Variants in XPO5 observed in about 807,000 individuals in gnomAD.
XPO5 encodes the protein exportin-5.
In XPO5, 46 loss-of-function variants were observed where a neutral mutation model predicts 160.6. The observed-to-expected ratio is 0.29, with a 90% confidence interval of 0.23 to 0.37. XPO5 has a LOEUF of 0.37. Ranked by LOEUF, XPO5 falls within the 10% of genes least tolerant of loss-of-function variation. The pLI, the probability that XPO5 is intolerant of heterozygous loss-of-function variation, is 1.00. For synonymous variants in XPO5, 537 were observed against 519.3 expected (o/e 1.03, Z -0.46); for missense variants, 1,090 against 1,463.9 (o/e 0.74, Z 4.17).
In XPO5 at chr6:43,546,698, T is replaced by G. The variant is rs779573241; in HGVS notation, c.2215A>C (p.Thr739Pro). 65 of 1,612,618 alleles carry G rather than the reference T, an allele frequency of 4.0e-5. No individual in the cohort carries two copies. The highest frequency in any genetic ancestry group is 5.4e-5 in the Non-Finnish European group (64 of 1,179,468). The change falls in exon 20 of 32, where the codon ACT becomes CCT. Residue 739 changes from threonine (T) to proline (P), a missense_variant. Around this residue, in one of 3 missense-constraint regions of XPO5, gnomAD observed 810 missense variants for 1,139.0 expected, o/e 0.71. Coordinates refer to ENST00000265351, the MANE Select transcript of XPO5 (RefSeq NM_020750.3). ...CCAGCTTTGGCCTCTTCTAGGTCAG[T>G]GGGCCAGCAAGTTCGTTTCACCACA... ...LGVVKRTCWP[T>P]DLEEAKAGGF...
At position 43,546,687 on chromosome 6, in the gene XPO5, T is replaced by C. The variant is rs535006632; in HGVS notation, c.2226A>G (p.Glu742=). Residue 742 remains glutamate, a synonymous_variant, in exon 20 of 32, where the codon GAA becomes GAG. Transcript: ENST00000265351. Reference sequence around the variant, plus strand: ...CCACAAATCCCCCAGCTTTGGCCTCTTCTAGGTCAGTGGGCCAGCAAGTTC... The same window carrying C: ...CCACAAATCCCCCAGCTTTGGCCTCCTCTAGGTCAGTGGGCCAGCAAGTTC... ...VKRTCWPTDL[E]EAKAGGFVVG... is the part of the protein sequence containing the mutation. The C allele has an allele frequency of 6.2e-7, 1 of 1,613,504 alleles. No homozygotes were observed. Among genetic ancestry groups the C allele is most frequent in the Non-Finnish European group, 8.5e-7 (1 of 1,179,682 alleles).
intron 20 of XPO5, among the ~76,000 whole-genome samples, chr6:43,544,466 T>C (rs943883398): frequency 1.3e-5 from 2 of 152,250 alleles, no homozygotes; most frequent in Admixed American, 1.3e-4. Context: ...ACTGTTGTCT[T>C]GTGGCCTCTA....
rs556276524 is a variant in XPO5 at position 43,524,540 on chromosome 6, G to A, written c.3408C>T (p.Pro1136=). The A allele has an allele frequency of 3.7e-6, 6 of 1,613,850 alleles. No homozygotes were observed. Among genetic ancestry groups the A allele is most frequent in the Non-Finnish European group, 4.2e-6 (5 of 1,179,910 alleles). Residue 1136 remains proline (P), a synonymous_variant, in exon 31 of 32, where the codon CCC becomes CCT. Transcript: ENST00000265351. ...GCTTGTCAGCCACTTTCTGCAGGGA[G>A]GGGTTTAAAAGCTTGCAGTCAAACT... ...LDQFDCKLLN[P]SLQKVADKRR...
intron 21 of XPO5, 33 bp downstream of exon 21, chr6:43,533,874 A>G: frequency 6.6e-7 from 1 of 1,511,262 alleles, no homozygotes; most frequent in Non-Finnish European, 9.1e-7. Flanking sequence ...GGGATAAGAT[A>G]AACCTTAGGA....
At chr6:43,558,023 A>C (rs1470014347) in intron 12 of XPO5, among the ~76,000 whole-genome samples, 1 of 151,834 alleles carries the variant, frequency 6.6e-6, no homozygotes, top group Non-Finnish European at 1.5e-5. Context: ...TGAACCCAGA[A>C]GGCAGAGGTT....
At chr6:43,556,556 A>G (rs1448318150) in intron 12 of XPO5, among the ~76,000 whole-genome samples, 1 of 152,000 alleles carries the variant, frequency 6.6e-6, no homozygotes, top group African/African-American at 2.4e-5. Context: ...TTAAAAAGTA[A>G]ATCAGGTTGG....
intron 29 of XPO5, 69 bp from the exon 30 acceptor site, chr6:43,525,037 G>A: frequency 6.3e-7 from 1 of 1,585,548 alleles, no homozygotes; most frequent in East Asian, 2.3e-5. Context: ...CAGTTCTTCT[G>A]AATGATTTAG....
chr6:43,526,221 A>T, intron 27 of XPO5: 1 of 430,266 alleles, frequency 2.3e-6, no homozygotes, highest in African/African-American at 2.0e-5. Flanking sequence ...TGATTTAGTT[A>T]CTGGGGATAA....
At chr6:43,569,608 C>T (rs769959591) in intron 5 of XPO5, among the ~76,000 whole-genome samples, 1 of 151,724 alleles carries the variant, frequency 6.6e-6, no homozygotes. Context: ...TGGCAGGCAC[C>T]GGTAATCTCA....
intron 9 of XPO5, 48 bp from the exon 10 acceptor site, chr6:43,561,055 G>T: frequency 6.8e-7 from 1 of 1,467,418 alleles, no homozygotes; most frequent in African/African-American, 1.4e-5. Flanking sequence ...AGAAAAGCAG[G>T]AGAGGAAAAA....
rs1763052451 is a variant in XPO5, at chr6:43,572,345, A to AG, written c.300+160dup. Among the ~76,000 whole-genome samples, 6 of 152,364 alleles carry AG rather than the reference A, an allele frequency of 3.9e-5. No homozygotes were observed. In the South Asian group the frequency reaches 1.2e-3, roughly 32 times the overall value. ...TCTTACCTTGGCTTCCCAAAGCGCT[A>AG]GAATTACAGGTGTGAGTCACTGTGC... On this transcript the variant is annotated intron_variant, in intron 3 of 31. Transcript: ENST00000265351.
At chr6:43,561,273 C>G (rs1762400758) in intron 9 of XPO5, 1 of 381,456 alleles carries the variant, frequency 2.6e-6, no homozygotes, top group Non-Finnish European at 4.7e-6. Context: ...AAAAAACACT[C>G]ATTTCAGAAA....
intron 12 of XPO5, 127 bp from the exon 13 acceptor site, chr6:43,556,091 T>C (rs1030723413): frequency 1.6e-6 from 2 of 1,256,614 alleles, no homozygotes; most frequent in Non-Finnish European, 2.2e-6. Flanking sequence ...GACTTGTGCT[T>C]TGCATGTAAT....
intron 22 of XPO5, 116 bp downstream of exon 22, chr6:43,531,363 C>T (rs1317866506): frequency 1.1e-6 from 1 of 897,582 alleles, no homozygotes; most frequent in African/African-American, 1.7e-5. Flanking sequence ...GATAAGTTTC[C>T]TATCAAACTC....
rs755730679 is a variant in XPO5, at chr6:43,522,762, A to G, written c.*1106T>C. The G allele has an allele frequency of 1.3e-5, 6 of 479,786 alleles. No individual in the cohort carries two copies. The highest frequency in any genetic ancestry group is 1.8e-5 in the Non-Finnish European group (4 of 225,532). The allele number at this position is 479,786 out of a possible 1,614,324, so 29.7% of individuals were successfully genotyped here. ...ACAGGTCTGTTTTTGTGCAGAGCAC[A>G]TGGACACACTGGTTTCTGTATGGAT... On this transcript the variant is annotated 3_prime_UTR_variant, in exon 32 of 32. Coordinates refer to ENST00000265351, the MANE Select transcript of XPO5 (RefSeq NM_020750.3).
At chr6:43,539,132 A>T (rs1033434466) in intron 20 of XPO5, 2 of 1,191,674 alleles carry the variant, frequency 1.7e-6, no homozygotes, top group Admixed American at 3.8e-5. Flanking sequence ...GCGCACCAGC[A>T]CAGAGCCACG....
At chr6:43,552,299 C>G (rs1490796873) in intron 14 of XPO5, among the ~76,000 whole-genome samples, 2 of 152,092 alleles carry the variant, frequency 1.3e-5, no homozygotes, top group Non-Finnish European at 2.9e-5. Flanking sequence ...CTCAGGTGAT[C>G]CACCCACCTT....
intron 15 of XPO5, chr6:43,550,818 T>C (rs995181834): frequency 6.6e-6 from 1 of 152,454 alleles, no homozygotes; most frequent in Admixed American, 6.5e-5. Flanking sequence ...ATCACCCACC[T>C]AGTCAACTGA....
chr6:43,523,564 G>C lies in XPO5; in HGVS notation c.*304C>G, dbSNP rs900238022. 1 of 552,378 alleles carries C rather than the reference G, an allele frequency of 1.8e-6. No homozygotes were observed. Among genetic ancestry groups the C allele is most frequent in the African/African-American group, 1.9e-5 (1 of 53,200 alleles). 34.2% of individuals were successfully genotyped at this position (552,378 alleles called of 1,614,324 possible). On this transcript the variant is annotated 3_prime_UTR_variant, in exon 32 of 32. Transcript: ENST00000265351. ...TATGTGGCTGCACGGGGGTGGGAGG[G>C]CTTGTGGGAGAAGGGCTGCTCTGCT...
Sources: gnomAD v4.1 joint callset for allele counts (sites outside exome capture counted in the v4.1 genomes callset) on GRCh38, gnomAD v4.1.1 for gene constraint, gnomAD v4.1.1 regional missense constraint, MANE v1.5 for transcripts, NCBI Gene and HGNC (gene_info 2026-07-23, HGNC 2026-07-21) for gene names.